The following ACYP2 variants were observed in gnomAD, a reference collection of about 807,000 sequenced individuals.
ACYP2 encodes acylphosphatase 2.
Under a neutral mutation model 11.2 loss-of-function variants are expected in ACYP2, and 12 were observed. That is an observed-to-expected ratio of 1.08 (90% CI 0.69 to 1.74). The LOEUF is 1.74. Among genes scored for constraint, ACYP2 ranks in the 40% most tolerant of loss-of-function variants. ACYP2 has a pLI of 0.00. For synonymous variants in ACYP2, 43 were observed against 32.2 expected, an observed-to-expected ratio of 1.33 and a Z score of -1.13; for missense variants, 134 against 101.9, an observed-to-expected ratio of 1.31 and a Z score of -1.35.
rs529290127 is a variant in ACYP2, at chr2:53,978,941, A to G, written c.62+5131A>G. Among the ~76,000 whole-genome samples, 10 of 152,212 alleles carry G rather than the reference A, an allele frequency of 6.6e-5. No homozygotes were observed. The East Asian group carries it at 1.4e-3, about 21-fold the overall frequency. On this transcript the variant is annotated intron_variant, in intron 2 of 6. Transcript: ENST00000607452. The stretch of plus-strand genomic sequence containing the variant: ...TCATCTCAAACTTAAAAAAAAGAGT[A>G]TAGCATATACACTCATACAGCACGT...
chr2:54,181,038 C>T (rs1325930728), intron 6 of ACYP2, among the ~76,000 whole-genome samples: 1 of 152,116 alleles, frequency 6.6e-6, no homozygotes, highest in East Asian at 1.9e-4. Flanking sequence ...CTTAGGTTAA[C>T]CTTGTTTTAG....
chr2:54,027,268 C>A (rs909697970), intron 2 of ACYP2, among the ~76,000 whole-genome samples: 1 of 152,112 alleles, frequency 6.6e-6, no homozygotes, highest in Non-Finnish European at 1.5e-5. Flanking sequence ...ACTAGAATTG[C>A]CTTCACCCTT....
intron 4 of ACYP2, among the ~76,000 whole-genome samples, chr2:54,068,759 T>C (rs536336174): frequency 3.3e-5 from 5 of 152,184 alleles, no homozygotes; most frequent in African/African-American, 1.2e-4. Context: ...AATGAGAATA[T>C]AATCTTACAC....
intron 6 of ACYP2, among the ~76,000 whole-genome samples, chr2:54,247,335 CA>C (rs915971722): frequency 1.3e-5 from 2 of 152,120 alleles, no homozygotes; most frequent in Admixed American, 6.6e-5. Context: ...CTTCCCCACC[CA>C]AAAAGACTCT....
intron 4 of ACYP2, among the ~76,000 whole-genome samples, chr2:54,072,332 G>T (rs1056703009): frequency 6.6e-6 from 1 of 151,752 alleles, no homozygotes; most frequent in African/African-American, 2.4e-5. Flanking sequence ...TTTGTGACAG[G>T]GTCTCACTCT....
chr2:54,142,951 T>C (rs186676891), intron 6 of ACYP2: 1 of 152,340 alleles, frequency 6.6e-6, no homozygotes, highest in East Asian at 1.9e-4. Context: ...TTCCCATTTA[T>C]GCTTCTAGTT....
intron 6 of ACYP2, among the ~76,000 whole-genome samples, chr2:54,159,547 T>C (rs576108703): frequency 6.6e-6 from 1 of 152,196 alleles, no homozygotes; most frequent in South Asian, 2.1e-4. Context: ...ATCATGATAA[T>C]GTTTTCATTC....
intron 4 of ACYP2, among the ~76,000 whole-genome samples, chr2:54,099,062 T>A (rs1317871012): frequency 6.6e-6 from 1 of 152,196 alleles, no homozygotes; most frequent in East Asian, 1.9e-4. Context: ...CTCTATTTGG[T>A]GTTCCATCAA....
intron 6 of ACYP2, among the ~76,000 whole-genome samples, chr2:54,161,878 C>G (rs1297457445): frequency 6.6e-6 from 1 of 151,854 alleles, no homozygotes; most frequent in Admixed American, 6.6e-5. Flanking sequence ...AGATGGAGCT[C>G]TTTGGTTTTT....
At chr2:54,217,746 T>C (rs909967238) in intron 6 of ACYP2, among the ~76,000 whole-genome samples, 1 of 152,096 alleles carries the variant, frequency 6.6e-6, no homozygotes, top group Non-Finnish European at 1.5e-5. Flanking sequence ...GAAAAGATCA[T>C]GGGTTAAAAA....
intron 6 of ACYP2, among the ~76,000 whole-genome samples, chr2:54,188,508 A>G (rs529775805): frequency 1.3e-5 from 2 of 152,364 alleles, no homozygotes; most frequent in Middle Eastern, 6.8e-3. Flanking sequence ...AGTTATTAAT[A>G]TTATACACAC....
chr2:54,143,560 A>C (rs1212638981), intron 6 of ACYP2, among the ~76,000 whole-genome samples: 2 of 151,882 alleles, frequency 1.3e-5, no homozygotes, highest in Non-Finnish European at 2.9e-5. Context: ...CAGCCTCCCG[A>C]GTAGCTGGGA....
intron 6 of ACYP2, among the ~76,000 whole-genome samples, chr2:54,213,255 G>A (rs1685405418): frequency 6.6e-6 from 1 of 152,084 alleles, no homozygotes; most frequent in South Asian, 2.1e-4. Flanking sequence ...CCATGTTGCT[G>A]CAAAGGACAT....
At chr2:54,027,837 C>CTTTTTTTT (rs34122179) in intron 2 of ACYP2, among the ~76,000 whole-genome samples, 95 of 97,854 alleles carry the variant, frequency 9.7e-4, no homozygotes, top group Non-Finnish European at 1.1e-3. Flanking sequence ...TTCTTTCTTT[C>CTTTTTTTT]TTTTTTTTTT....
At chr2:54,296,411 C>T (rs1348192784) in intron 6 of ACYP2, among the ~76,000 whole-genome samples, 1 of 152,108 alleles carries the variant, frequency 6.6e-6, no homozygotes, top group Non-Finnish European at 1.5e-5. Flanking sequence ...TGTATAGGAA[C>T]AAAAAATATG....
chr2:54,166,160 G>C lies in ACYP2; in HGVS notation c.404+27412G>C, dbSNP rs182440177. Among the ~76,000 whole-genome samples the C allele has an allele frequency of 2.6e-5, 4 of 152,242 alleles. No homozygotes were observed. In the East Asian group the frequency reaches 7.7e-4, roughly 29 times the overall value. On this transcript the variant is annotated intron_variant, in intron 6 of 6. Coordinates refer to ENST00000607452, the MANE Select transcript of ACYP2 (RefSeq NM_001320586.2). ...CAGTCAAGGAAACCAAAGTGTGTGC[G>C]CTCCACTTGACCATGGTGTTGTCAG... is the stretch of plus-strand genomic sequence containing the variant.
intron 2 of ACYP2, among the ~76,000 whole-genome samples, chr2:54,017,422 T>A (rs1055444596): frequency 6.6e-6 from 1 of 151,756 alleles, no homozygotes; most frequent in African/African-American, 2.4e-5. Context: ...GCCTGGCTAA[T>A]TTTTGTATCT....
chr2:54,072,569 T>C (rs1284623014), intron 4 of ACYP2, among the ~76,000 whole-genome samples: 6 of 135,060 alleles, frequency 4.4e-5, no homozygotes, highest in African/African-American at 1.6e-4. Flanking sequence ...CTTTCTTCTT[T>C]TTTTTTTTTT....
chr2:54,097,965 CTTTT>C (rs527656550), intron 4 of ACYP2, among the ~76,000 whole-genome samples: 2 of 117,224 alleles, frequency 1.7e-5, no homozygotes. Context: ...TCCTTCCTTC[CTTTT>C]TTTTTTTTTT....
Sources: allele counts gnomAD v4.1 joint callset (sites outside exome capture counted in the v4.1 genomes callset), GRCh38; gene constraint gnomAD v4.1.1; transcripts MANE v1.5; gene names NCBI Gene and HGNC (gene_info 2026-07-23, HGNC 2026-07-21).